The following WRN variants were observed in gnomAD, a reference collection of about 807,000 sequenced individuals.
WRN encodes WRN RecQ like helicase, also known as bifunctional 3'-5' exonuclease/ATP-dependent helicase WRN.
WRN carries 149 observed loss-of-function variants against 180.7 expected under a neutral mutation model. That is an observed-to-expected ratio of 0.82 (90% confidence interval 0.72 to 0.94). The LOEUF is 0.94. WRN is among the 40% of genes least tolerant of loss of function. WRN has a pLI of 0.00. For synonymous variants in WRN, 548 were observed against 568.9 expected (o/e 0.96, Z 0.52); for missense variants, 1,661 against 1,700.1 (o/e 0.98, Z 0.40).
rs11574323 is a variant in WRN, at chr8:31,124,910, T to G, written c.2735T>G (p.Ile912Ser). 2.5e-4 allele frequency: 404 copies of G among 1,612,742 alleles called. 4 individuals carry two copies. In the South Asian group the frequency reaches 3.1e-3, roughly 12 times the overall value. ...ATTTAAAATTTTGTCTTGGGTAGAATCATCTTGTCTCATTTTGAGGACAAA... is the reference window on the plus strand; with the variant it reads ...ATTTAAAATTTTGTCTTGGGTAGAAGCATCTTGTCTCATTTTGAGGACAAA... Reference protein sequence around the residue: ...YLHSSRCRRQIILSHFEDKQV... With the variant: ...YLHSSRCRRQSILSHFEDKQV... Residue 912 changes from isoleucine to serine, a missense_variant and splice_region_variant, in exon 23 of 35, where the codon ATC (isoleucine) becomes AGC (serine). Coordinates refer to ENST00000298139, the MANE Select transcript of WRN (RefSeq NM_000553.6).
At chr8:31,171,014 A>G (rs1175621541) in intron 34 of WRN, 1 of 152,176 alleles carries the variant, frequency 6.6e-6, no homozygotes, top group Non-Finnish European at 1.5e-5. Context: ...ATTTATTCTT[A>G]TTTAACTCCA....
intron 21 of WRN, among the ~76,000 whole-genome samples, chr8:31,123,818 C>T (rs1274905973): frequency 1.3e-5 from 2 of 152,080 alleles, no homozygotes; most frequent in African/African-American, 4.8e-5. Context: ...CATGGGCTTT[C>T]TTCACAGAAG....
rs138010723 is a variant in WRN at position 31,035,919 on chromosome 8, C to G, written c.-77+1946C>G. ...ATCCCACCCGCTTTCCTAGCAATCA[C>G]TTACCTATTTTTTTGTCTCTATATA... On this transcript the variant is annotated intron_variant, in intron 1 of 34. Transcript: ENST00000298139. Among the ~76,000 whole-genome samples, 434 of 152,266 alleles carry G rather than the reference C, an allele frequency of 2.9e-3. 2 individuals carry two copies. The highest frequency in any genetic ancestry group is 9.9e-3 in the African/African-American group (412 of 41,530).
At chr8:31,087,970 G>A (rs779047294) in intron 12 of WRN, 50 bp downstream of exon 12, 1 of 1,591,370 alleles carries the variant, frequency 6.3e-7, no homozygotes, top group South Asian at 1.1e-5. Context: ...ACCTACCACT[G>A]ACTTTAACTT....
chr8:31,123,648 A>G (rs1035958177), intron 21 of WRN, among the ~76,000 whole-genome samples: 2 of 152,176 alleles, frequency 1.3e-5, no homozygotes, highest in Non-Finnish European at 1.5e-5. Flanking sequence ...AGTGAAGTCT[A>G]TTTTGATGAG....
chr8:31,128,184 T>C (rs187338053), intron 23 of WRN, among the ~76,000 whole-genome samples: 158 of 152,198 alleles, frequency 1.0e-3, no homozygotes, highest in Non-Finnish European at 1.8e-3. Flanking sequence ...TGGGAGAATT[T>C]GATATAATTT....
chr8:31,152,860 G>A (rs1014994151), intron 31 of WRN, among the ~76,000 whole-genome samples: 25 of 152,050 alleles, frequency 1.6e-4, no homozygotes, highest in African/African-American at 5.8e-4. Flanking sequence ...GAAACATAGT[G>A]AGACCCGACC....
rs889011155 is a variant in WRN at position 31,147,135 on chromosome 8, C to T, written c.3459+7C>T. 1.6e-5 allele frequency: 26 copies of T among 1,613,240 alleles called. No homozygotes were observed. Among genetic ancestry groups the T allele is most frequent in the Non-Finnish European group, 2.1e-5 (25 of 1,179,420 alleles). On this transcript the variant is annotated splice_region_variant and intron_variant, in intron 29 of 34. Coordinates refer to ENST00000298139, the MANE Select transcript of WRN (RefSeq NM_000553.6). ...ACAAGAGCAGGAGACTCAGGTAAGG[C>T]TTTTGTAAAAAGGTAATTAGTTTAT...
chr8:31,060,383 A>T (rs1443270655), intron 3 of WRN, among the ~76,000 whole-genome samples: 2 of 151,908 alleles, frequency 1.3e-5, no homozygotes, highest in East Asian at 3.9e-4. Context: ...CCATAGTAAG[A>T]CCCCCATCTC....
At chr8:31,143,744 A>G (rs1802753614) in intron 28 of WRN, 121 bp downstream of exon 28, 3 of 700,634 alleles carry the variant, frequency 4.3e-6, no homozygotes, top group Non-Finnish European at 7.4e-6. Flanking sequence ...TTTAAAACAT[A>G]AGCTTTTCAG....
intron 16 of WRN, among the ~76,000 whole-genome samples, chr8:31,092,967 C>T: frequency 6.6e-6 from 1 of 152,054 alleles, no homozygotes; most frequent in Non-Finnish European, 1.5e-5. Flanking sequence ...TTTTCAGAGT[C>T]AGGGTCTCCT....
chr8:31,105,268 A>G (rs1388156240), intron 18 of WRN, among the ~76,000 whole-genome samples: 2 of 152,096 alleles, frequency 1.3e-5, no homozygotes, highest in Non-Finnish European at 2.9e-5. Context: ...TCTTGAAATA[A>G]TTCTTTAGTA....
intron 19 of WRN, among the ~76,000 whole-genome samples, chr8:31,113,590 C>A (rs559791817): frequency 1.3e-5 from 2 of 152,286 alleles, no homozygotes; most frequent in East Asian, 3.9e-4. Flanking sequence ...TGATCCTGTT[C>A]AGTCTCTATG....
intron 23 of WRN, among the ~76,000 whole-genome samples, chr8:31,130,549 A>G (rs1277914577): frequency 6.6e-6 from 1 of 151,968 alleles, no homozygotes; most frequent in Non-Finnish European, 1.5e-5. Flanking sequence ...TATTTAAATG[A>G]AAGGTTTATA....
At chr8:31,098,875 G>A (rs1053421388) in intron 17 of WRN, among the ~76,000 whole-genome samples, 1 of 152,080 alleles carries the variant, frequency 6.6e-6, no homozygotes, top group African/African-American at 2.4e-5. Flanking sequence ...TGTAACTAAA[G>A]CTTTTTAAAA....
chr8:31,127,019 A>G (rs1801954020), intron 23 of WRN, among the ~76,000 whole-genome samples: 1 of 152,222 alleles, frequency 6.6e-6, no homozygotes, highest in Non-Finnish European at 1.5e-5. Flanking sequence ...AGCTAATTAA[A>G]CTTACAGTGA....
rs1261151874 is a variant in WRN, at chr8:31,174,273, A to G, written c.*1171A>G. On this transcript the variant is annotated 3_prime_UTR_variant, in exon 35 of 35. Transcript: ENST00000298139. ...GCATGCTTTTGTGTGTGCATCTGCA[A>G]TACCCTGTGAATATCCTGTGTGATG... Among the ~76,000 whole-genome samples, 2 of 152,220 alleles carry G rather than the reference A, an allele frequency of 1.3e-5. No homozygotes were observed. The highest frequency in any genetic ancestry group is 4.1e-4 in the South Asian group (2 of 4,826).
intron 16 of WRN, among the ~76,000 whole-genome samples, chr8:31,094,564 C>T (rs1350880056): frequency 6.6e-6 from 1 of 152,038 alleles, no homozygotes; most frequent in Non-Finnish European, 1.5e-5. Context: ...CCAGGTTGCT[C>T]TCAAACTCCT....
chr8:31,067,913 T>TA (rs912041294), intron 6 of WRN, among the ~76,000 whole-genome samples: 10 of 152,172 alleles, frequency 6.6e-5, no homozygotes, highest in African/African-American at 2.4e-4. Flanking sequence ...CTTTAAAAGA[T>TA]ACCGCCAAAC....
Sources: gnomAD v4.1 joint callset for allele counts (sites outside exome capture counted in the v4.1 genomes callset) on GRCh38, gnomAD v4.1.1 for gene constraint, MANE v1.5 for transcripts, NCBI Gene and HGNC (gene_info 2026-07-23, HGNC 2026-07-21) for gene names.